The following SLC27A6 variants were observed in gnomAD, a reference collection of about 807,000 sequenced individuals.
SLC27A6 encodes long-chain fatty acid transport protein 6.
In SLC27A6, 74 loss-of-function variants were observed where a neutral mutation model predicts 63.9. The ratio of observed to expected loss-of-function variants is 1.16; its 90% CI spans 0.96 to 1.40. SLC27A6 has a LOEUF of 1.40. SLC27A6 is among the 40% of genes most tolerant of loss of function. The pLI is 0.00. For synonymous variants in SLC27A6, 287 were observed against 260.8 expected (o/e 1.10, Z -0.97); for missense variants, 794 against 732.9 (o/e 1.08, Z -0.96).
At chr5:128,979,681 A>G (rs1318055886) in intron 1 of SLC27A6, among the ~76,000 whole-genome samples, 1 of 152,132 alleles carries the variant, frequency 6.6e-6, no homozygotes, top group East Asian at 1.9e-4. Context: ...GAAGTGTTCG[A>G]CTTTTTCTTT....
intron 3 of SLC27A6, among the ~76,000 whole-genome samples, chr5:128,989,293 C>T (rs1750894141): frequency 6.6e-6 from 1 of 151,904 alleles, no homozygotes; most frequent in Non-Finnish European, 1.5e-5. Flanking sequence ...TCTTTGCGAA[C>T]AGTCTGCCAT....
At chr5:129,009,823 C>G (rs759963524) in intron 4 of SLC27A6, among the ~76,000 whole-genome samples, 1 of 151,934 alleles carries the variant, frequency 6.6e-6, no homozygotes, top group African/African-American at 2.4e-5. Context: ...TACAGGTGCA[C>G]GCTGCCATGC....
intron 4 of SLC27A6, among the ~76,000 whole-genome samples, chr5:129,000,504 G>C (rs1008316965): frequency 1.3e-5 from 2 of 152,180 alleles, no homozygotes; most frequent in Non-Finnish European, 2.9e-5. Context: ...TGCAAGGAAA[G>C]CTAAATTCTA....
intron 4 of SLC27A6, among the ~76,000 whole-genome samples, chr5:129,006,827 G>A (rs1421251214): frequency 2.6e-5 from 4 of 152,080 alleles, no homozygotes; most frequent in Non-Finnish European, 4.4e-5. Flanking sequence ...TTGTGTATGT[G>A]TGCTTACTGA....
chr5:128,966,547 C>G lies in SLC27A6; in HGVS notation c.410C>G (p.Thr137Ser), dbSNP rs1195060105. The G allele has an allele frequency of 1.9e-6, 3 of 1,581,552 alleles. No individual in the cohort carries two copies. The Admixed American group carries it at 5.4e-5, about 29-fold the overall frequency. ...GGCTGCGTGGTGGCCTTTCTCAACA[C>G]CAACATTCGCTCCAACTCCCTCCTG... ...KLGCVVAFLN[T>S]NIRSNSLLNC... Residue 137 changes from threonine to serine, a missense_variant, in exon 1 of 10, where the codon ACC (threonine) becomes AGC (serine). By Grantham distance (58) the Thr-to-Ser change is moderately conservative. Coordinates refer to ENST00000262462, the MANE Select transcript of SLC27A6 (RefSeq NM_001017372.3).
chr5:129,011,787 T>C (rs1056364484), intron 4 of SLC27A6, among the ~76,000 whole-genome samples: 3 of 152,128 alleles, frequency 2.0e-5, no homozygotes, highest in African/African-American at 7.2e-5. Context: ...TTTCTTTATA[T>C]CTGAGAAAGA....
chr5:129,009,415 C>G (rs1307726185), intron 4 of SLC27A6, among the ~76,000 whole-genome samples: 1 of 152,118 alleles, frequency 6.6e-6, no homozygotes, highest in Non-Finnish European at 1.5e-5. Flanking sequence ...TATCCACACA[C>G]ATATCTTCTC....
chr5:128,984,610 C>T (rs1007443626), intron 1 of SLC27A6, among the ~76,000 whole-genome samples: 1 of 152,182 alleles, frequency 6.6e-6, no homozygotes, highest in East Asian at 1.9e-4. Flanking sequence ...CTCCCACCCT[C>T]CCCCATTTTG....
At chr5:128,992,794 C>T (rs1420393551) in intron 4 of SLC27A6, among the ~76,000 whole-genome samples, 1 of 152,136 alleles carries the variant, frequency 6.6e-6, no homozygotes, top group Non-Finnish European at 1.5e-5. Context: ...ATTAAGGTCA[C>T]CTTCAGTTGA....
chr5:129,002,498 C>T (rs892390265), intron 4 of SLC27A6, among the ~76,000 whole-genome samples: 8 of 118,386 alleles, frequency 6.8e-5, no homozygotes, highest in Non-Finnish European at 1.2e-4. Context: ...CGTTCCTTCC[C>T]TCTCTCGTTC....
intron 1 of SLC27A6, among the ~76,000 whole-genome samples, chr5:128,970,500 T>A (rs1465698379): frequency 6.6e-6 from 1 of 152,212 alleles, no homozygotes; most frequent in Non-Finnish European, 1.5e-5. Flanking sequence ...GGTGTATGTG[T>A]CCAGGAATTT....
intron 1 of SLC27A6, among the ~76,000 whole-genome samples, chr5:128,969,679 T>C (rs1057153329): frequency 6.6e-6 from 1 of 152,186 alleles, no homozygotes; most frequent in Admixed American, 6.5e-5. Flanking sequence ...ATGCTGGGGT[T>C]CTCTAAATAT....
At chr5:129,001,022 G>A (rs1414848765) in intron 4 of SLC27A6, among the ~76,000 whole-genome samples, 1 of 152,166 alleles carries the variant, frequency 6.6e-6, no homozygotes, top group Non-Finnish European at 1.5e-5. Flanking sequence ...TGAAATCACA[G>A]AAGTCTTTTC....
intron 1 of SLC27A6, among the ~76,000 whole-genome samples, chr5:128,972,061 T>G (rs1308097133): frequency 3.9e-5 from 6 of 152,148 alleles, no homozygotes; most frequent in Non-Finnish European, 7.4e-5. Flanking sequence ...GGTTGAAAAT[T>G]GTTTTCTTTA....
Position 128,990,362 on chromosome 5 carries a change from G to A in SLC27A6, c.867G>A (p.Lys289=), listed in dbSNP as rs774277950. The part of the protein sequence containing the change: ...VELGATCVLK[K]KFSASQFWSD... ...TAGGTGCCACTTGTGTGTTAAAGAAGAAATTTTCAGCAAGCCAGTTTTGGA... is the reference window on the plus strand; with the variant it reads ...TAGGTGCCACTTGTGTGTTAAAGAAAAAATTTTCAGCAAGCCAGTTTTGGA... Residue 289 remains lysine, a synonymous_variant, in exon 4 of 10, where the codon AAG becomes AAA. Coordinates refer to ENST00000262462, the MANE Select transcript of SLC27A6 (RefSeq NM_001017372.3). 2.5e-6 allele frequency: 4 copies of A among 1,613,710 alleles called. No homozygotes were observed. The African/African-American group carries it at 4.0e-5, about 16-fold the overall frequency.
At chr5:128,989,922 T>TAAAAAAAAA (rs1231944483) in intron 3 of SLC27A6, among the ~76,000 whole-genome samples, 1 of 84,802 alleles carries the variant, frequency 1.2e-5, no homozygotes, top group African/African-American at 4.0e-5. Context: ...AGACTCCGTC[T>TAAAAAAAAA]CAAAAAAAAA....
intron 1 of SLC27A6, among the ~76,000 whole-genome samples, chr5:128,977,700 T>A (rs753256683): frequency 4.6e-5 from 7 of 152,178 alleles, no homozygotes; most frequent in Non-Finnish European, 1.0e-4. Flanking sequence ...AAGGTTAATA[T>A]TTACCTATCA....
At chr5:128,982,106 G>T (rs909177519) in intron 1 of SLC27A6, among the ~76,000 whole-genome samples, 1 of 152,018 alleles carries the variant, frequency 6.6e-6, no homozygotes, top group African/African-American at 2.4e-5. Context: ...GAGCCACCAC[G>T]CCTGGCCAAG....
At position 129,006,071 on chromosome 5, in the gene SLC27A6, G is replaced by GTTT. The variant is rs4068575; in HGVS notation, c.970-9791_970-9789dup. ...TAAAATTTTCATTCCTGTGCACACT[G>GTTT]TTTTTTTTTTTTTTTTTTTTTTTTT... is the stretch of plus-strand genomic sequence containing the variant. On this transcript the variant is annotated intron_variant, in intron 4 of 9. Coordinates refer to ENST00000262462, the MANE Select transcript of SLC27A6 (RefSeq NM_001017372.3). 4.1e-3 allele frequency among the ~76,000 whole-genome samples: 246 copies of GTTT among 60,136 alleles called. 13 individuals carry two copies. Among genetic ancestry groups the GTTT allele is most frequent in the African/African-American group, 8.5e-3 (103 of 12,090 alleles). 39.5% of individuals were successfully genotyped at this position (60,136 alleles called of 152,430 possible).
Sources: allele counts gnomAD v4.1 joint callset (sites outside exome capture counted in the v4.1 genomes callset), GRCh38; gene constraint gnomAD v4.1.1; transcripts MANE v1.5; gene names NCBI Gene and HGNC (gene_info 2026-07-23, HGNC 2026-07-21).